LRP12: variants seen among roughly 807,000 people sequenced by gnomAD.
LRP12 encodes low-density lipoprotein receptor-related protein 12.
LRP12 carries 14 observed loss-of-function variants against 66.0 expected under a neutral mutation model. That is an observed-to-expected ratio of 0.21 (90% CI 0.14 to 0.33). The LOEUF is 0.33. LRP12 is among the 10% of genes least tolerant of loss of function. The probability of loss-of-function intolerance (pLI) is 1.00; values close to 1 mark genes in which losing one functional copy is unlikely to be tolerated. For missense variants in LRP12, 889 were observed against 1,053.4 expected (o/e 0.84, Z 2.16); for synonymous variants, 357 against 359.1 (o/e 0.99, Z 0.07).
At chr8:104,558,534 A>G (rs907819144) in intron 1 of LRP12, among the ~76,000 whole-genome samples, 1 of 152,196 alleles carries the variant, frequency 6.6e-6, no homozygotes, top group Non-Finnish European at 1.5e-5. Context: ...ACCCTTCCAG[A>G]CACTGGCTTA....
intron 1 of LRP12, among the ~76,000 whole-genome samples, chr8:104,567,388 T>C (rs1812021903): frequency 6.6e-6 from 1 of 152,080 alleles, no homozygotes; most frequent in Non-Finnish European, 1.5e-5. Flanking sequence ...GGAGACTTAC[T>C]CACTATCACG....
At chr8:104,523,183 T>C (rs968858052) in intron 2 of LRP12, among the ~76,000 whole-genome samples, 12 of 152,166 alleles carry the variant, frequency 7.9e-5, no homozygotes, top group Non-Finnish European at 1.3e-4. Context: ...AACAAATACA[T>C]TGGAAAATTT....
intron 2 of LRP12, among the ~76,000 whole-genome samples, chr8:104,530,693 TACTAAATTAAACA>T (rs935072298): frequency 6.6e-6 from 1 of 152,184 alleles, no homozygotes; most frequent in African/African-American, 2.4e-5. Flanking sequence ...TTTTGAAAAC[TACTAAATTAAACA>T]GTAACCATTT....
At chr8:104,575,409 C>A (rs530857733) in intron 1 of LRP12, among the ~76,000 whole-genome samples, 1 of 152,336 alleles carries the variant, frequency 6.6e-6, no homozygotes, top group South Asian at 2.1e-4. Context: ...GTTGGTCCCC[C>A]AATCCAGCGC....
intron 1 of LRP12, among the ~76,000 whole-genome samples, chr8:104,571,450 G>A (rs1255445432): frequency 6.6e-6 from 1 of 152,126 alleles, no homozygotes; most frequent in Non-Finnish European, 1.5e-5. Context: ...GAATCATGGG[G>A]GTGGTTTCCT....
chr8:104,523,153 C>A (rs1405615959), intron 2 of LRP12, among the ~76,000 whole-genome samples: 1 of 152,040 alleles, frequency 6.6e-6, no homozygotes, highest in African/African-American at 2.4e-5. Context: ...TGTAAGTCCA[C>A]TTATACATGG....
chr8:104,518,306 G>T (rs1811100394), intron 2 of LRP12, among the ~76,000 whole-genome samples: 1 of 151,816 alleles, frequency 6.6e-6, no homozygotes, highest in African/African-American at 2.4e-5. Context: ...CTATTTAACA[G>T]ATAAGAAAAA....
At chr8:104,571,639 C>G (rs1246657660) in intron 1 of LRP12, among the ~76,000 whole-genome samples, 1 of 152,186 alleles carries the variant, frequency 6.6e-6, no homozygotes, top group Non-Finnish European at 1.5e-5. Flanking sequence ...AACTATGAGT[C>G]AACCAAATCT....
At chr8:104,544,904 G>C (rs908743668) in intron 1 of LRP12, among the ~76,000 whole-genome samples, 1 of 152,102 alleles carries the variant, frequency 6.6e-6, no homozygotes, top group South Asian at 2.1e-4. Flanking sequence ...CTATTATTTA[G>C]GAAACACATT....
At chr8:104,586,001 C>T (rs1171665176) in intron 1 of LRP12, among the ~76,000 whole-genome samples, 1 of 152,164 alleles carries the variant, frequency 6.6e-6, no homozygotes, top group Non-Finnish European at 1.5e-5. Flanking sequence ...CAATGCGTAG[C>T]AAAGCTTGTG....
intron 1 of LRP12, among the ~76,000 whole-genome samples, chr8:104,536,395 T>A (rs1436235589): frequency 6.6e-6 from 1 of 152,058 alleles, no homozygotes; most frequent in African/African-American, 2.4e-5. Flanking sequence ...ACATTTGTTT[T>A]ATCTGTGTAA....
rs1033737627 is a variant in LRP12 at position 104,489,607 on chromosome 8, T to C, written c.*1066A>G. 6.6e-6 allele frequency: 1 copy of C among 152,050 alleles called. No individual in the cohort carries two copies. Among genetic ancestry groups the C allele is most frequent in the Non-Finnish European group, 1.5e-5 (1 of 67,974 alleles). 9.4% of individuals were successfully genotyped at this position (152,050 alleles called of 1,614,324 possible). A position where few individuals can be genotyped will look rare whatever the true frequency, so the allele number is the denominator to read the frequency against. On this transcript the variant is annotated 3_prime_UTR_variant, in exon 7 of 7. Coordinates refer to ENST00000276654, the MANE Select transcript of LRP12 (RefSeq NM_013437.5). ...CCAGGAATAAAATATATTGAAAAAA[T>C]CACTCTTACAACAATGTATTTTTTA...
chr8:104,548,322 TAA>T (rs1811653607), intron 1 of LRP12, among the ~76,000 whole-genome samples: 3 of 18,462 alleles, frequency 1.6e-4, no homozygotes, highest in African/African-American at 8.0e-4. Flanking sequence ...TATAAATATA[TAA>T]TATATATTAT....
Position 104,588,873 on chromosome 8 carries a change from C to G in LRP12, c.25G>C (p.Glu9Gln). MACRWSTK[E>Q]SPRWRSALLL... ...AACGCAGACCTCCACCGCGGAGACTCTTTTGTGCTCCAGCGACAGGCCATA... is the reference window on the plus strand; with the variant it reads ...AACGCAGACCTCCACCGCGGAGACTGTTTTGTGCTCCAGCGACAGGCCATA... The change falls in exon 1 of 7, where the codon GAG becomes CAG. Residue 9 changes from glutamate (E) to glutamine (Q), a missense_variant. Glu to Gln is a conservative substitution (Grantham distance 29). This residue lies in a region of LRP12 where 88 missense variants were observed against 72.5 expected (regional missense o/e 1.21). Coordinates refer to ENST00000276654, the MANE Select transcript of LRP12 (RefSeq NM_013437.5). 6.2e-7 allele frequency: 1 copy of G among 1,611,286 alleles called. No homozygotes were observed. Among genetic ancestry groups the G allele is most frequent in the Non-Finnish European group, 8.5e-7 (1 of 1,178,950 alleles).
At chr8:104,564,140 TA>T (rs1032442011) in intron 1 of LRP12, among the ~76,000 whole-genome samples, 4 of 150,012 alleles carry the variant, frequency 2.7e-5, no homozygotes, top group African/African-American at 9.9e-5. Flanking sequence ...GATTTTTTTT[TA>T]AAAGTGCTGT....
intron 6 of LRP12, among the ~76,000 whole-genome samples, chr8:104,494,715 T>C (rs554869594): frequency 6.6e-6 from 1 of 152,310 alleles, no homozygotes; most frequent in African/African-American, 2.4e-5. Flanking sequence ...TACTTATAAG[T>C]GGTTAATCTA....
chr8:104,581,325 A>T (rs978023347), intron 1 of LRP12, among the ~76,000 whole-genome samples: 1 of 152,202 alleles, frequency 6.6e-6, no homozygotes, highest in Non-Finnish European at 1.5e-5. Context: ...ATCAGAAAAA[A>T]TAACTACTGG....
chr8:104,548,339 ATATATAAAT>A (rs1255973854), intron 1 of LRP12, among the ~76,000 whole-genome samples: 1 of 43,108 alleles, frequency 2.3e-5, no homozygotes, highest in South Asian at 5.5e-4. Context: ...TATTATATAA[ATATATAAAT>A]ATATAATATA....
At chr8:104,546,871 CTTATAATTA>C in intron 1 of LRP12, among the ~76,000 whole-genome samples, 1 of 142,388 alleles carries the variant, frequency 7.0e-6, no homozygotes, top group Non-Finnish European at 1.5e-5. Context: ...AATTATTCTT[CTTATAATTA>C]TTCTTCTTAT....
Sources: gnomAD v4.1 joint callset for allele counts (sites outside exome capture counted in the v4.1 genomes callset) on GRCh38, gnomAD v4.1.1 for gene constraint, gnomAD v4.1.1 regional missense constraint, MANE v1.5 for transcripts, NCBI Gene and HGNC (gene_info 2026-07-23, HGNC 2026-07-21) for gene names.